Variants in MYRIP observed in about 807,000 individuals in gnomAD.
MYRIP encodes the protein myosin VIIA and Rab interacting protein.
A neutral mutation model predicts 98.0 loss-of-function variants in MYRIP; 49 were observed. The observed-to-expected ratio is 0.50, with a 90% CI of 0.40 to 0.63. The LOEUF (loss-of-function observed/expected upper bound fraction) is 0.63, where lower values mean the gene tolerates loss of function less well. Ranked by LOEUF, MYRIP falls within the 30% of genes least tolerant of loss-of-function variation. The pLI is 0.00. For missense variants in MYRIP, 1,004 were observed against 1,058.2 expected (o/e 0.95, Z 0.71); for synonymous variants, 404 against 409.5 (o/e 0.99, Z 0.16).
intron 1 of MYRIP, among the ~76,000 whole-genome samples, chr3:39,887,850 G>A (rs1575346572): frequency 1.3e-5 from 2 of 152,080 alleles, no homozygotes; most frequent in African/African-American, 2.4e-5. Flanking sequence ...CAAAATCAAT[G>A]TACAAAAATC....
intron 1 of MYRIP, among the ~76,000 whole-genome samples, chr3:39,831,740 C>A (rs1941454308): frequency 6.6e-6 from 1 of 152,116 alleles, no homozygotes; most frequent in Non-Finnish European, 1.5e-5. Context: ...AATTGAATAT[C>A]ACTTGAAATT....
intron 2 of MYRIP, among the ~76,000 whole-genome samples, chr3:39,911,051 A>T (rs1944009766): frequency 6.6e-6 from 1 of 152,194 alleles, no homozygotes; most frequent in Non-Finnish European, 1.5e-5. Flanking sequence ...TGTCCATGCC[A>T]TATTCATGAC....
intron 2 of MYRIP, among the ~76,000 whole-genome samples, chr3:39,982,201 G>C (rs1945912324): frequency 6.6e-6 from 1 of 152,196 alleles, no homozygotes; most frequent in African/African-American, 2.4e-5. Context: ...GCTCTGTAGA[G>C]AGTAGTAGGT....
At chr3:40,012,639 A>C (rs1275155532) in intron 2 of MYRIP, among the ~76,000 whole-genome samples, 1 of 152,240 alleles carries the variant, frequency 6.6e-6, no homozygotes, top group Non-Finnish European at 1.5e-5. Context: ...GGCATCATCC[A>C]ATCCACTGAG....
At chr3:39,834,222 C>T (rs1941554070) in intron 1 of MYRIP, among the ~76,000 whole-genome samples, 1 of 152,160 alleles carries the variant, frequency 6.6e-6, no homozygotes, top group Admixed American at 6.5e-5. Context: ...CTTAAGAGTT[C>T]TGTAACCTTG....
intron 2 of MYRIP, among the ~76,000 whole-genome samples, chr3:40,033,346 T>G (rs1436063796): frequency 1.3e-5 from 2 of 151,832 alleles, no homozygotes; most frequent in African/African-American, 2.4e-5. Context: ...AAAATCTCCT[T>G]AAGCTGATAA....
At chr3:39,819,980 G>C (rs1941055265) in intron 1 of MYRIP, among the ~76,000 whole-genome samples, 1 of 152,184 alleles carries the variant, frequency 6.6e-6, no homozygotes, top group Admixed American at 6.5e-5. Flanking sequence ...TCCATTTTGT[G>C]GCTGTGATTT....
intron 3 of MYRIP, among the ~76,000 whole-genome samples, chr3:40,072,663 C>T (rs1472483864): frequency 6.6e-6 from 1 of 152,048 alleles, no homozygotes; most frequent in African/African-American, 2.4e-5. Context: ...TGTTTTTAAA[C>T]TTTCCAAGCA....
chr3:40,227,122 G>A (rs1361850160), intron 11 of MYRIP, among the ~76,000 whole-genome samples: 1 of 152,216 alleles, frequency 6.6e-6, no homozygotes. Context: ...CTCTCTGAGG[G>A]TAGGGACCAT....
chr3:40,045,546 A>G (rs572858849), intron 3 of MYRIP, among the ~76,000 whole-genome samples: 12 of 152,328 alleles, frequency 7.9e-5, no homozygotes, highest in African/African-American at 2.9e-4. Flanking sequence ...CATGCCTTCT[A>G]TTTCTCAGTC....
chr3:39,951,815 CAT>C (rs1423150216), intron 2 of MYRIP, among the ~76,000 whole-genome samples: 1 of 152,138 alleles, frequency 6.6e-6, no homozygotes, highest in East Asian at 1.9e-4. Flanking sequence ...ATGCTTCTCT[CAT>C]AGACAGGGAA....
intron 3 of MYRIP, among the ~76,000 whole-genome samples, chr3:40,050,162 A>G (rs893373663): frequency 2.0e-5 from 3 of 152,180 alleles, no homozygotes; most frequent in African/African-American, 7.2e-5. Context: ...GATTTCATCA[A>G]TGTTGACAAA....
chr3:40,044,223 A>T lies in MYRIP; in HGVS notation c.284A>T (p.Tyr95Phe), dbSNP rs761265573. Residue 95 changes from tyrosine to phenylalanine, a missense_variant, in exon 3 of 17, where the codon TAC (tyrosine) becomes TTC (phenylalanine). Transcript: ENST00000302541. ...AATGTCTGCAAGAGCTGCTGCTCCT[A>T]CCAGAAGCACGAAAAGGCCTGGGTC... ...KFNVCKSCCSYQKHEKAWVCC... is the reference protein window; with the variant it reads ...KFNVCKSCCSFQKHEKAWVCC... 6.2e-7 allele frequency: 1 copy of T among 1,614,172 alleles called. No homozygotes were observed. The highest frequency in any genetic ancestry group is 2.2e-5 in the East Asian group (1 of 44,878).
chr3:40,248,492 T>C (rs542556806), intron 13 of MYRIP: 4 of 152,274 alleles, frequency 2.6e-5, no homozygotes, highest in East Asian at 1.9e-4. Context: ...GACATAATTA[T>C]ATAGAGAGAG....
chr3:40,107,119 G>A (rs1439606071), intron 3 of MYRIP, among the ~76,000 whole-genome samples: 3 of 152,164 alleles, frequency 2.0e-5, no homozygotes, highest in African/African-American at 4.8e-5. Context: ...TGAATGGTGA[G>A]GGCAGCCAAT....
chr3:39,977,196 C>T (rs1161771558), intron 2 of MYRIP, among the ~76,000 whole-genome samples: 1 of 151,948 alleles, frequency 6.6e-6, no homozygotes, highest in African/African-American at 2.4e-5. Flanking sequence ...AGGAATGCCT[C>T]CAAAGAAAAC....
intron 11 of MYRIP, among the ~76,000 whole-genome samples, chr3:40,212,119 TATATATACGTGTATATATATATAC>T (rs1951953428): frequency 1.1e-5 from 1 of 87,196 alleles, no homozygotes; most frequent in African/African-American, 3.5e-5. Context: ...TATATATACA[TATATATACGTGTATATATATATAC>T]ATATATATAC....
chr3:40,042,422 C>T (rs546486746), intron 2 of MYRIP, among the ~76,000 whole-genome samples: 2 of 151,794 alleles, frequency 1.3e-5, no homozygotes, highest in African/African-American at 4.8e-5. Context: ...GAAAGAAAAG[C>T]CTGACAGATT....
intron 3 of MYRIP, among the ~76,000 whole-genome samples, chr3:40,098,017 C>G (rs1215293158): frequency 6.6e-6 from 1 of 152,188 alleles, no homozygotes; most frequent in East Asian, 1.9e-4. Context: ...TAGTACTGCA[C>G]TCCCTTTTAA....
Sources: gnomAD v4.1 joint callset for allele counts (sites outside exome capture counted in the v4.1 genomes callset) on GRCh38, gnomAD v4.1.1 for gene constraint, MANE v1.5 for transcripts, NCBI Gene and HGNC (gene_info 2026-07-23, HGNC 2026-07-21) for gene names.